HOMER1: variants seen among roughly 807,000 people sequenced by gnomAD.
HOMER1 encodes homer scaffold protein 1.
HOMER1 carries 3 observed loss-of-function variants against 48.9 expected under a neutral mutation model. The observed-to-expected ratio is 0.06, with a 90% CI of 0.03 to 0.16. The LOEUF (loss-of-function observed/expected upper bound fraction) is 0.16, where lower values mean the gene tolerates loss of function less well. Among genes scored for constraint, HOMER1 ranks in the 10% least tolerant of loss-of-function variants. The probability of loss-of-function intolerance (pLI) is 1.00; values close to 1 mark genes in which losing one functional copy is unlikely to be tolerated. For missense variants in HOMER1, 247 were observed against 411.4 expected (o/e 0.60, Z 3.46); for synonymous variants, 134 against 146.4 (o/e 0.92, Z 0.61).
intron 1 of HOMER1, among the ~76,000 whole-genome samples, chr5:79,469,045 G>A (rs1751551399): frequency 6.6e-6 from 1 of 152,064 alleles, no homozygotes. Flanking sequence ...GTACTCAAAC[G>A]ACATCTCATA....
At chr5:79,428,781 G>C (rs2112259989) in intron 5 of HOMER1, among the ~76,000 whole-genome samples, 1 of 152,196 alleles carries the variant, frequency 6.6e-6, no homozygotes. Context: ...AATTAAAGAA[G>C]CTCCAAATAA....
chr5:79,385,324 T>C (rs1424585007), intron 8 of HOMER1, among the ~76,000 whole-genome samples: 1 of 152,094 alleles, frequency 6.6e-6, no homozygotes, highest in African/African-American at 2.4e-5. Flanking sequence ...ACCTGTTGAA[T>C]GGGAGAAACT....
intron 8 of HOMER1, among the ~76,000 whole-genome samples, chr5:79,377,841 A>T (rs1269110896): frequency 1.3e-5 from 2 of 152,202 alleles, no homozygotes; most frequent in Non-Finnish European, 1.5e-5. Flanking sequence ...AATTACAGAC[A>T]CTTTTTTCCA....
intron 1 of HOMER1, among the ~76,000 whole-genome samples, chr5:79,463,750 G>T (rs941517977): frequency 6.6e-6 from 1 of 151,958 alleles, no homozygotes; most frequent in African/African-American, 2.4e-5. Flanking sequence ...TTTGATTTTG[G>T]GGTCCCCATT....
At position 79,412,759 on chromosome 5, in the gene HOMER1, C is replaced by T. The variant is rs78448450; in HGVS notation, c.528-10704G>A. Among the ~76,000 whole-genome samples the T allele has an allele frequency of 2.8e-4, 43 of 152,206 alleles. No individual in the cohort carries two copies. In the East Asian group the frequency reaches 7.9e-3, roughly 28 times the overall value. On this transcript the variant is annotated intron_variant, in intron 5 of 8. Coordinates refer to ENST00000334082, the MANE Select transcript of HOMER1 (RefSeq NM_004272.5). ...GAATACAATTCAAAATTAGTTGACA[C>T]AAAGAATGAGGAAAATCTGAAGTTG...
At chr5:79,405,275 G>A (rs1460461583) in intron 5 of HOMER1, among the ~76,000 whole-genome samples, 1 of 152,144 alleles carries the variant, frequency 6.6e-6, no homozygotes, top group East Asian at 1.9e-4. Context: ...GGCCTCGGAA[G>A]AAATGACCCT....
At chr5:79,398,369 C>G (rs1345959546) in intron 6 of HOMER1, among the ~76,000 whole-genome samples, 1 of 151,652 alleles carries the variant, frequency 6.6e-6, no homozygotes. Flanking sequence ...TTACATATAT[C>G]ATGTGCTCAT....
chr5:79,500,925 A>AC (rs1752558784), intron 1 of HOMER1, among the ~76,000 whole-genome samples: 1 of 72,902 alleles, frequency 1.4e-5, no homozygotes, highest in African/African-American at 9.2e-5. Context: ...GCACCCAGCC[A>AC]TTTGTGTGTG....
At chr5:79,411,980 G>A (rs758312057) in intron 5 of HOMER1, among the ~76,000 whole-genome samples, 4 of 152,142 alleles carry the variant, frequency 2.6e-5, no homozygotes, top group East Asian at 1.9e-4. Flanking sequence ...TTAGCCGGGT[G>A]TGGTGGCAGA....
At chr5:79,485,113 A>AAAACC (rs1477165258) in intron 1 of HOMER1, among the ~76,000 whole-genome samples, 8 of 150,206 alleles carry the variant, frequency 5.3e-5, no homozygotes, top group Non-Finnish European at 1.2e-4. Context: ...AAAACAAAAC[A>AAAACC]AAAACACTAG....
rs766307653 is a variant in HOMER1 at position 79,375,963 on chromosome 5, G to C, written c.*46C>G. On this transcript the variant is annotated 3_prime_UTR_variant, in exon 9 of 9. Coordinates refer to ENST00000334082, the MANE Select transcript of HOMER1 (RefSeq NM_004272.5). ...CAGAGCCTAAACAGTCCTATGAAGAGAGACAGTGTATCTTTTAATTAATTG... is the reference window on the plus strand; with the variant it reads ...CAGAGCCTAAACAGTCCTATGAAGACAGACAGTGTATCTTTTAATTAATTG... 56 of 1,173,758 alleles carry C rather than the reference G, an allele frequency of 4.8e-5. No homozygotes were observed. Among genetic ancestry groups the C allele is most frequent in the Admixed American group, 3.1e-4 (16 of 51,528 alleles). The allele number at this position is 1,173,758 out of a possible 1,614,324, so 72.7% of individuals were successfully genotyped here. A position where few individuals can be genotyped will look rare whatever the true frequency, so the allele number is the denominator to read the frequency against.
In HOMER1 at chr5:79,374,658, G is replaced by C. The variant is rs1447654432; in HGVS notation, c.*1351C>G. 8 of 151,974 alleles carry C rather than the reference G, an allele frequency of 5.3e-5. No individual in the cohort carries two copies. The highest frequency in any genetic ancestry group is 1.9e-4 in the African/African-American group (8 of 41,400). The allele number at this position is 151,974 out of a possible 1,614,324, so 9.4% of individuals were successfully genotyped here. A position where few individuals can be genotyped will look rare whatever the true frequency, so the allele number is the denominator to read the frequency against. ...CAGGCATTGTACAGCAAGAATATAT[G>C]TACTCTGATGCAATTCCTACTTTAT... is the stretch of plus-strand genomic sequence containing the variant. On this transcript the variant is annotated 3_prime_UTR_variant, in exon 9 of 9. Coordinates refer to ENST00000334082, the MANE Select transcript of HOMER1 (RefSeq NM_004272.5).
chr5:79,497,531 T>C (rs1392674935), intron 1 of HOMER1, among the ~76,000 whole-genome samples: 1 of 151,674 alleles, frequency 6.6e-6, no homozygotes, highest in Non-Finnish European at 1.5e-5. Context: ...CCAGGCATGG[T>C]GTACTCATCT....
intron 3 of HOMER1, among the ~76,000 whole-genome samples, chr5:79,447,990 C>G (rs1044217822): frequency 6.6e-6 from 1 of 152,032 alleles, no homozygotes; most frequent in Non-Finnish European, 1.5e-5. Context: ...TTTCTCAAAC[C>G]CTCATAAACG....
chr5:79,375,992 C>A lies in HOMER1; in HGVS notation c.*17G>T. 1 of 1,570,734 alleles carries A rather than the reference C, an allele frequency of 6.4e-7. No individual in the cohort carries two copies. Among genetic ancestry groups the A allele is most frequent in the Non-Finnish European group, 8.7e-7 (1 of 1,152,240 alleles). On this transcript the variant is annotated 3_prime_UTR_variant, in exon 9 of 9. Transcript: ENST00000334082. ...CAGTGTATCTTTTAATTAATTGGCA[C>A]TGAAATTTCACTTTCCTTAGCTGCA...
intron 8 of HOMER1, among the ~76,000 whole-genome samples, chr5:79,392,955 GA>G (rs1580420159): frequency 0.056 from 46 of 818 alleles, no homozygotes; most frequent in Non-Finnish European, 0.11. Context: ...AAGGGAAAGG[GA>G]GAGAGAGAGA....
intron 1 of HOMER1, among the ~76,000 whole-genome samples, chr5:79,496,708 CA>C (rs1210349368): frequency 2.6e-5 from 4 of 151,870 alleles, no homozygotes; most frequent in African/African-American, 9.7e-5. Context: ...GAATAGTTTC[CA>C]AAATGAAATA....
At chr5:79,512,567 G>A (rs1291442894) in intron 1 of HOMER1, among the ~76,000 whole-genome samples, 1 of 152,198 alleles carries the variant, frequency 6.6e-6, no homozygotes, top group Non-Finnish European at 1.5e-5. Flanking sequence ...AACGATATAT[G>A]TGTTTTTAAA....
chr5:79,441,680 GT>G (rs1416570274), intron 4 of HOMER1, among the ~76,000 whole-genome samples: 1 of 151,736 alleles, frequency 6.6e-6, no homozygotes, highest in African/African-American at 2.4e-5. Flanking sequence ...GAGAACTTGG[GT>G]TTTTTTAAAG....
Sources: allele counts gnomAD v4.1 joint callset (sites outside exome capture counted in the v4.1 genomes callset), GRCh38; gene constraint gnomAD v4.1.1; transcripts MANE v1.5; gene names NCBI Gene and HGNC (gene_info 2026-07-23, HGNC 2026-07-21).